The following FAM120C variants were observed in gnomAD, a reference collection of about 807,000 sequenced individuals.
FAM120C encodes family with sequence similarity 120 member C.
FAM120C carries 14 observed loss-of-function variants against 71.2 expected under a neutral mutation model. That is an observed-to-expected ratio of 0.20 (90% CI 0.13 to 0.31). The LOEUF (loss-of-function observed/expected upper bound fraction) is 0.31, where lower values mean the gene tolerates loss of function less well. FAM120C is among the 10% of genes least tolerant of loss of function. FAM120C has a pLI of 1.00. For synonymous variants in FAM120C, 354 were observed against 353.2 expected (o/e 1.00, Z -0.03); for missense variants, 500 against 879.0 (o/e 0.57, Z 5.45).
intron 1 of FAM120C, 44 bp downstream of exon 1, chrX:54,182,456 A>T (rs1557137501): frequency 8.7e-7 from 1 of 1,152,356 alleles, no homozygotes; most frequent in Admixed American, 2.4e-5. Context: ...GTTGGGAGGG[A>T]ATAGGTGTGG....
rs782801242 is a variant in FAM120C, at chrX:54,167,279, T to C, written c.700-7663A>G. Among the ~76,000 whole-genome samples, 9 of 112,036 alleles carry C rather than the reference T, an allele frequency of 8.0e-5. No individual in the cohort carries two copies. The South Asian group carries it at 2.3e-3, about 28-fold the overall frequency. ...TGAGCACTCTGGCTCAATTTACACA[T>C]TTATCATCACTGTTACCACCTGTAA... On this transcript the variant is annotated intron_variant, in intron 1 of 15. Transcript: ENST00000375180.
At chrX:54,141,407 C>T (rs1377112529) in intron 4 of FAM120C, among the ~76,000 whole-genome samples, 8 of 110,322 alleles carry the variant, frequency 7.3e-5, no homozygotes, top group Non-Finnish European at 1.5e-4. Context: ...ACAACATGAT[C>T]CTATCAATAT....
chrX:54,100,729 CTTTT>C (rs1300056838), intron 10 of FAM120C, among the ~76,000 whole-genome samples: 1 of 111,914 alleles, frequency 8.9e-6, no homozygotes. Flanking sequence ...GGAGAATAAT[CTTTT>C]TTGACTCCAT....
intron 15 of FAM120C, among the ~76,000 whole-genome samples, chrX:54,074,295 A>C (rs1200805468): frequency 9.0e-6 from 1 of 111,554 alleles, no homozygotes; most frequent in Non-Finnish European, 1.9e-5. Flanking sequence ...CCAGGATTCT[A>C]CTCCTCTAAA....
chrX:54,169,089 G>A (rs782612051), intron 1 of FAM120C, among the ~76,000 whole-genome samples: 4 of 111,137 alleles, frequency 3.6e-5, no homozygotes, highest in Non-Finnish European at 3.8e-5. Context: ...CGCCTGAGCC[G>A]AGGATTCCAG....
At chrX:54,179,178 C>A (rs1260562667) in intron 1 of FAM120C, among the ~76,000 whole-genome samples, 2 of 112,112 alleles carry the variant, frequency 1.8e-5, no homozygotes, top group Middle Eastern at 4.6e-3. Context: ...CCAACCAAAT[C>A]AAAAAATTCA....
intron 10 of FAM120C, 92 bp downstream of exon 10, chrX:54,116,453 C>A: frequency 9.9e-7 from 1 of 1,015,027 alleles, no homozygotes; most frequent in East Asian, 3.2e-5. Context: ...AAAAATTTCC[C>A]CACCTTGAAA....
chrX:54,088,991 G>T (rs1407119423), intron 11 of FAM120C, among the ~76,000 whole-genome samples: 1 of 111,217 alleles, frequency 9.0e-6, no homozygotes, highest in African/African-American at 3.3e-5. Context: ...GGAGGTTGCA[G>T]TGAGCTGAGA....
At chrX:54,152,923 C>T (rs1237955093) in intron 3 of FAM120C, among the ~76,000 whole-genome samples, 2 of 111,209 alleles carry the variant, frequency 1.8e-5, no homozygotes, top group African/African-American at 3.3e-5. Flanking sequence ...AGGCTGGGCG[C>T]GGTGACCCAT....
intron 10 of FAM120C, among the ~76,000 whole-genome samples, chrX:54,111,584 T>C (rs1012140540): frequency 9.3e-5 from 10 of 107,153 alleles, no homozygotes; most frequent in Non-Finnish European, 1.7e-4. Context: ...ACCAAGGAGG[T>C]GAAGGATCTC....
Position 54,078,726 on chromosome X carries a change from A to T in FAM120C, c.3036+1506T>A, listed in dbSNP as rs782131262. On this transcript the variant is annotated intron_variant, in intron 15 of 15. Transcript: ENST00000375180. ...GTACTCAAGAAATGGTAGCTGCTAT[A>T]CTATAAGAAGCCCAGCAGTTTGAGT... Among the ~76,000 whole-genome samples the T allele has an allele frequency of 1.1e-4, 12 of 110,871 alleles. No homozygotes were observed. In the East Asian group the frequency reaches 3.4e-3, roughly 31 times the overall value.
chrX:54,125,265 G>A (rs782200275), intron 9 of FAM120C, among the ~76,000 whole-genome samples: 1 of 108,614 alleles, frequency 9.2e-6, no homozygotes, highest in African/African-American at 3.3e-5. Context: ...ATGCCCTGTT[G>A]TATTCCATTG....
intron 4 of FAM120C, among the ~76,000 whole-genome samples, chrX:54,137,915 A>T (rs1189657783): frequency 8.9e-6 from 1 of 111,760 alleles, no homozygotes; most frequent in Non-Finnish European, 1.9e-5. Flanking sequence ...TACACTTACC[A>T]TATGATACAG....
intron 10 of FAM120C, among the ~76,000 whole-genome samples, chrX:54,095,355 C>CTTTT (rs10710810): frequency 2.4e-5 from 1 of 41,185 alleles, no homozygotes; most frequent in African/African-American, 9.0e-5. Flanking sequence ...TACTCCACAT[C>CTTTT]TTTTTTTTTT....
chrX:54,110,958 G>A (rs1210971638), intron 10 of FAM120C, among the ~76,000 whole-genome samples: 2 of 109,809 alleles, frequency 1.8e-5, no homozygotes, highest in Non-Finnish European at 1.9e-5. Context: ...TATTCTGGAG[G>A]CTGAGGCAGG....
intron 14 of FAM120C, among the ~76,000 whole-genome samples, chrX:54,080,884 A>C (rs1426370953): frequency 9.5e-6 from 1 of 105,654 alleles, no homozygotes; most frequent in African/African-American, 3.5e-5. Flanking sequence ...AAAAAAGGAA[A>C]GTTGGTCAGG....
At chrX:54,136,444 A>T in intron 5 of FAM120C, 47 bp downstream of exon 5, 1 of 975,028 alleles carries the variant, frequency 1.0e-6, no homozygotes, top group Non-Finnish European at 1.5e-6. Flanking sequence ...GGACCAACTC[A>T]GTTTCCCCTA....
chrX:54,079,381 A>G (rs2066753294), intron 15 of FAM120C, among the ~76,000 whole-genome samples: 1 of 111,256 alleles, frequency 9.0e-6, no homozygotes, highest in Non-Finnish European at 1.9e-5. Flanking sequence ...TAGAGGCTAC[A>G]GTGAGCTGTG....
In FAM120C at chrX:54,073,374, G is replaced by A. The variant is rs1156738281; in HGVS notation, c.3037-87C>T. ...CATATTCATAAGCTAGCCTGAGGAA[G>A]CGGCTTCAGTTCTTCAAAAACACCA... On this transcript the variant is annotated intron_variant, in intron 15 of 15. Coordinates refer to ENST00000375180, the MANE Select transcript of FAM120C (RefSeq NM_017848.6). 7.1e-6 allele frequency: 7 copies of A among 979,095 alleles called. No individual in the cohort carries two copies. The African/African-American group carries it at 1.2e-4, about 16-fold the overall frequency. The allele number at this position is 979,095 out of a possible 1,213,427, so 80.7% of individuals were successfully genotyped here.
Sources: gnomAD v4.1 joint callset for allele counts (sites outside exome capture counted in the v4.1 genomes callset) on GRCh38, gnomAD v4.1.1 for gene constraint, MANE v1.5 for transcripts, NCBI Gene and HGNC (gene_info 2026-07-23, HGNC 2026-07-21) for gene names.